GPC5: variants seen among roughly 807,000 people sequenced by gnomAD.
GPC5 encodes glypican-5.
In GPC5, 47 loss-of-function variants were observed where a neutral mutation model predicts 53.9. That is an observed-to-expected ratio of 0.87 (90% CI 0.69 to 1.11). The LOEUF (loss-of-function observed/expected upper bound fraction) is 1.11. Ranked by LOEUF, GPC5 falls within the 50% of genes most tolerant of loss-of-function variation. The pLI is 0.00. For missense variants in GPC5, 748 were observed against 713.1 expected, an observed-to-expected ratio of 1.05 and a Z score of -0.56; for synonymous variants, 286 against 263.3, an observed-to-expected ratio of 1.09 and a Z score of -0.84.
At chr13:91,449,074 A>G (rs1881002675) in intron 2 of GPC5, 152 bp downstream of exon 2, 1 of 840,220 alleles carries the variant, frequency 1.2e-6, no homozygotes, top group African/African-American at 1.7e-5. Context: ...TAGCCTTCAA[A>G]ACTTGTTTCT....
intron 7 of GPC5, among the ~76,000 whole-genome samples, chr13:92,628,288 T>TTTTTTTTTTTTTTTTTTTTTTTTTTTA (rs1885122012): frequency 7.9e-6 from 1 of 126,600 alleles, no homozygotes; most frequent in Non-Finnish European, 1.6e-5. Context: ...TTTTTTTTTT[T>TTTTTTTTTTTTTTTTTTTTTTTTTTTA]TTTTTGAGAT....
chr13:91,551,796 C>A (rs1190872498), intron 2 of GPC5, among the ~76,000 whole-genome samples: 1 of 151,976 alleles, frequency 6.6e-6, no homozygotes, highest in Non-Finnish European at 1.5e-5. Flanking sequence ...AGAGAAAGAG[C>A]AACATTATTC....
rs150659145 is a variant in GPC5 at position 92,644,268 on chromosome 13, T to A, written c.1562-222014T>A. Reference sequence around the variant, plus strand: ...AGATAAGAGGTGAGCTCAAGGTAAATACCTGTACCTTTGCTGCTAGCTTTA... The same window carrying A: ...AGATAAGAGGTGAGCTCAAGGTAAAAACCTGTACCTTTGCTGCTAGCTTTA... On this transcript the variant is annotated intron_variant, in intron 7 of 7. Coordinates refer to ENST00000377067, the MANE Select transcript of GPC5 (RefSeq NM_004466.6). Among the ~76,000 whole-genome samples the A allele has an allele frequency of 2.9e-3, 444 of 152,324 alleles. 16 individuals are homozygous for A. The East Asian group carries it at 0.077, about 26-fold the overall frequency.
intron 7 of GPC5, among the ~76,000 whole-genome samples, chr13:92,781,241 A>G (rs1284839051): frequency 6.6e-6 from 1 of 152,112 alleles, no homozygotes; most frequent in Non-Finnish European, 1.5e-5. Context: ...TTAATAAAAA[A>G]CTGAATGTAG....
intron 7 of GPC5, among the ~76,000 whole-genome samples, chr13:92,250,090 A>G (rs746872918): frequency 2.1e-4 from 32 of 152,086 alleles, no homozygotes; most frequent in South Asian, 4.1e-4. Flanking sequence ...ACAACTAGTA[A>G]TCAGATTATG....
At chr13:91,821,824 AT>A (rs1374884131) in intron 5 of GPC5, among the ~76,000 whole-genome samples, 15 of 152,266 alleles carry the variant, frequency 9.9e-5, no homozygotes, top group African/African-American at 3.4e-4. Flanking sequence ...ATTTATTAAT[AT>A]TTTTATAGGA....
intron 7 of GPC5, among the ~76,000 whole-genome samples, chr13:92,518,801 G>A (rs1353492699): frequency 1.3e-5 from 2 of 152,138 alleles, no homozygotes; most frequent in African/African-American, 4.8e-5. Context: ...ATGTAAATGG[G>A]CTAAATTCTC....
chr13:92,336,039 G>T (rs1406695996), intron 7 of GPC5, among the ~76,000 whole-genome samples: 1 of 152,112 alleles, frequency 6.6e-6, no homozygotes, highest in Non-Finnish European at 1.5e-5. Context: ...GGGCAATTTG[G>T]AGTATAGTTA....
intron 6 of GPC5, among the ~76,000 whole-genome samples, chr13:92,138,257 A>C (rs2041800734): frequency 6.6e-6 from 1 of 152,156 alleles, no homozygotes; most frequent in African/African-American, 2.4e-5. Context: ...GCAGTGGCTC[A>C]CACCTATAAT....
chr13:92,173,227 CAG>C (rs1249939942), intron 7 of GPC5, among the ~76,000 whole-genome samples: 2 of 151,912 alleles, frequency 1.3e-5, no homozygotes, highest in African/African-American at 2.4e-5. Flanking sequence ...ACATTAAAAA[CAG>C]AGATCGGCCA....
chr13:92,818,242 T>G (rs1877551025), intron 7 of GPC5, among the ~76,000 whole-genome samples: 1 of 151,926 alleles, frequency 6.6e-6, no homozygotes, highest in Admixed American at 6.5e-5. Flanking sequence ...ACTCCTGACC[T>G]CAGGTGATTC....
chr13:91,555,757 C>T (rs148774099), intron 2 of GPC5, among the ~76,000 whole-genome samples: 196 of 152,126 alleles, frequency 1.3e-3, no homozygotes, highest in African/African-American at 4.5e-3. Context: ...AAAGGAGGAG[C>T]AAAGTCACAT....
At chr13:91,560,859 C>T (rs2031220686) in intron 2 of GPC5, among the ~76,000 whole-genome samples, 1 of 152,016 alleles carries the variant, frequency 6.6e-6, no homozygotes, top group Non-Finnish European at 1.5e-5. Context: ...TGACTCTTGC[C>T]CAATTTCCAG....
chr13:91,754,541 C>A (rs2037248311), intron 4 of GPC5, among the ~76,000 whole-genome samples: 1 of 151,974 alleles, frequency 6.6e-6, no homozygotes, highest in South Asian at 2.1e-4. Flanking sequence ...AAAGTCTCAA[C>A]ATTCCATCAA....
intron 2 of GPC5, among the ~76,000 whole-genome samples, chr13:91,493,491 T>C (rs1884051154): frequency 6.6e-6 from 1 of 152,170 alleles, no homozygotes; most frequent in Non-Finnish European, 1.5e-5. Flanking sequence ...ATTTCTCCCC[T>C]ACTCCCCACA....
At chr13:92,312,934 T>C (rs945939576) in intron 7 of GPC5, among the ~76,000 whole-genome samples, 2 of 152,206 alleles carry the variant, frequency 1.3e-5, no homozygotes, top group Non-Finnish European at 2.9e-5. Flanking sequence ...ATACCACTAA[T>C]TAATTTCAAA....
chr13:91,637,727 G>A (rs1253599351), intron 2 of GPC5, among the ~76,000 whole-genome samples: 1 of 152,184 alleles, frequency 6.6e-6, no homozygotes, highest in Non-Finnish European at 1.5e-5. Context: ...AACAGTATTG[G>A]CCATAAAAGA....
At chr13:92,165,399 G>T (rs2042019810) in intron 7 of GPC5, among the ~76,000 whole-genome samples, 1 of 152,154 alleles carries the variant, frequency 6.6e-6, no homozygotes, top group Non-Finnish European at 1.5e-5. Flanking sequence ...AAATACCTGA[G>T]ACTGGGTAAT....
At chr13:92,404,391 A>G (rs1339986084) in intron 7 of GPC5, among the ~76,000 whole-genome samples, 1 of 152,210 alleles carries the variant, frequency 6.6e-6, no homozygotes, top group Non-Finnish European at 1.5e-5. Context: ...GTTGAAAGAC[A>G]ACTGAAGGAA....
Sources: allele counts gnomAD v4.1 joint callset (sites outside exome capture counted in the v4.1 genomes callset), GRCh38; gene constraint gnomAD v4.1.1; transcripts MANE v1.5; gene names NCBI Gene and HGNC (gene_info 2026-07-23, HGNC 2026-07-21).